The following BRSK2 variants were observed in gnomAD, a reference collection of about 807,000 sequenced individuals.
BRSK2 encodes the protein BR serine/threonine kinase 2.
BRSK2 carries 19 observed loss-of-function variants against 83.3 expected under a neutral mutation model. That is an observed-to-expected ratio of 0.23 (90% CI 0.16 to 0.33). The LOEUF (loss-of-function observed/expected upper bound fraction) is 0.33. BRSK2 is among the 10% of genes least tolerant of loss of function. The pLI, the probability that BRSK2 is intolerant of heterozygous loss-of-function variation, is 1.00. For synonymous variants in BRSK2, 519 were observed against 435.4 expected (o/e 1.19, Z -2.39); for missense variants, 798 against 1,042.3 (o/e 0.77, Z 3.23).
chr11:1,447,730 C>T (rs1852344699), intron 12 of BRSK2: 1 of 1,483,580 alleles, frequency 6.7e-7, no homozygotes, highest in Non-Finnish European at 9.1e-7. Context: ...TGGCCCGGGC[C>T]CTGGGGGCCG....
intron 1 of BRSK2, chr11:1,411,235 T>A: frequency 7.9e-7 from 1 of 1,266,320 alleles, no homozygotes; most frequent in South Asian, 3.2e-5. Flanking sequence ...TGCTCTGAGC[T>A]TCCTTCCTCA....
At chr11:1,402,222 G>C (rs904183227) in intron 1 of BRSK2, among the ~76,000 whole-genome samples, 2 of 152,216 alleles carry the variant, frequency 1.3e-5, no homozygotes, top group African/African-American at 4.8e-5. Context: ...GGGGCTCCCC[G>C]GGGCGGGGCA....
At chr11:1,399,356 A>G (rs1427846407) in intron 1 of BRSK2, among the ~76,000 whole-genome samples, 1 of 152,140 alleles carries the variant, frequency 6.6e-6, no homozygotes, top group Non-Finnish European at 1.5e-5. Context: ...TGGCCCTGCC[A>G]CTGGGGCCAG....
At chr11:1,460,288 C>T (rs865821330) in intron 19 of BRSK2, among the ~76,000 whole-genome samples, 14 of 152,130 alleles carry the variant, frequency 9.2e-5, no homozygotes, top group African/African-American at 2.7e-4. Context: ...GGGCCCCTGC[C>T]GGCCGCCGCC....
chr11:1,394,156 C>T (rs1175660121), intron 1 of BRSK2, among the ~76,000 whole-genome samples: 3 of 75,304 alleles, frequency 4.0e-5, no homozygotes, highest in East Asian at 4.4e-4. Flanking sequence ...TGGAGATGGG[C>T]CATGGAGATG....
At chr11:1,424,838 G>C (rs545391835) in intron 1 of BRSK2, among the ~76,000 whole-genome samples, 1 of 152,204 alleles carries the variant, frequency 6.6e-6, no homozygotes, top group Non-Finnish European at 1.5e-5. Flanking sequence ...GGCAGGTTGC[G>C]GGGGTGGAGC....
At chr11:1,452,141 G>C (rs1845885357) in intron 15 of BRSK2, among the ~76,000 whole-genome samples, 1 of 152,178 alleles carries the variant, frequency 6.6e-6, no homozygotes, top group Admixed American at 6.5e-5. Context: ...GAGACCCCGG[G>C]AAATGAAGAT....
Position 1,461,421 on chromosome 11 carries a change from T to G in BRSK2, c.*698T>G. 1 of 242,244 alleles carries G rather than the reference T, an allele frequency of 4.1e-6. No individual in the cohort carries two copies. The highest frequency in any genetic ancestry group is 8.0e-6 in the Non-Finnish European group (1 of 125,082). 15.0% of individuals were successfully genotyped at this position (242,244 alleles called of 1,614,324 possible). ...TCCTCTCGTCTCACCCGCGCCTCCC[T>G]TGCCTCATCTGGGGCGGCTGTGGGC... On this transcript the variant is annotated 3_prime_UTR_variant, in exon 20 of 20. Coordinates refer to ENST00000528841, the MANE Select transcript of BRSK2 (RefSeq NM_001256627.2).
Position 1,444,953 on chromosome 11 carries a change from G to A in BRSK2, c.781-18G>A, listed in dbSNP as rs756080059. On this transcript the variant is annotated intron_variant, in intron 8 of 19. Transcript: ENST00000528841. ...CGTCCCTCGTCCGTACTAACTCCCT[G>A]TTTCTCTTTCCTTGTAGCTAGAGCA... The A allele has an allele frequency of 6.8e-6, 11 of 1,611,560 alleles. No homozygotes were observed. The South Asian group carries it at 9.9e-5, about 14-fold the overall frequency.
At chr11:1,452,701 G>A (rs11602013) in intron 15 of BRSK2, among the ~76,000 whole-genome samples, 64,004 of 150,354 alleles carry the variant, frequency 0.43, 14,826 homozygotes, top group Non-Finnish European at 0.53. Context: ...AGATGCCTGC[G>A]ACAGCCGTTC....
Position 1,417,469 on chromosome 11 carries a change from A to G in BRSK2, c.92-18571A>G, listed in dbSNP as rs188644596. Among the ~76,000 whole-genome samples the G allele has an allele frequency of 3.3e-5, 5 of 152,396 alleles. No homozygotes were observed. The East Asian group carries it at 9.6e-4, about 29-fold the overall frequency. ...CTTATCCTTTTCTGAAAATTCTAGC[A>G]TTTAGATCACCTGTGTCCTGCTTCT... On this transcript the variant is annotated intron_variant, in intron 1 of 19. Coordinates refer to ENST00000528841, the MANE Select transcript of BRSK2 (RefSeq NM_001256627.2).
At chr11:1,406,417 A>G (rs1846880951) in intron 1 of BRSK2, among the ~76,000 whole-genome samples, 2 of 152,340 alleles carry the variant, frequency 1.3e-5, no homozygotes, top group South Asian at 2.1e-4. Flanking sequence ...GCTTGCAGTG[A>G]GCTGAGATCA....
At chr11:1,407,455 C>T (rs1442724140) in intron 1 of BRSK2, among the ~76,000 whole-genome samples, 1 of 152,148 alleles carries the variant, frequency 6.6e-6, no homozygotes, top group Non-Finnish European at 1.5e-5. Flanking sequence ...GCACGGGCCT[C>T]CCCTCCGAGG....
rs769355521 is a variant in BRSK2, at chr11:1,450,590, A to G, written c.1291A>G (p.Thr431Ala). 6.4e-7 allele frequency: 1 copy of G among 1,556,416 alleles called. No individual in the cohort carries two copies. Among genetic ancestry groups the G allele is most frequent in the Admixed American group, 2.0e-5 (1 of 50,672 alleles). The change falls in exon 14 of 20, where the codon ACC (threonine) becomes GCC (alanine). Residue 431 changes from threonine (T) to alanine (A), a missense_variant. Thr to Ala is a moderately conservative substitution (Grantham distance 58). Coordinates refer to ENST00000528841, the MANE Select transcript of BRSK2 (RefSeq NM_001256627.2). ...CAAATCTGTCCCCACCATACAGGTGACCCCTCACCCCTCACCAAGGGGCAG... is the reference window on the plus strand; with the variant it reads ...CAAATCTGTCCCCACCATACAGGTGGCCCCTCACCCCTCACCAAGGGGCAG... ...STSPLSSPRV[T>A]PHPSPRGSPL...
rs183115088 is a variant in BRSK2, at chr11:1,440,282, C to G, written c.273-506C>G. ...GGCCAGGCCAACCTTTTCCTCACCC[C>G]CTTCCCCTGGCCCTCACACCTCCTG... On this transcript the variant is annotated intron_variant, in intron 3 of 19. Transcript: ENST00000528841. 4.5e-3 allele frequency among the ~76,000 whole-genome samples: 679 copies of G among 152,264 alleles called. 19 individuals carry two copies. Among genetic ancestry groups the G allele is most frequent in the Admixed American group, 0.041 (625 of 15,304 alleles).
At position 1,461,088 on chromosome 11, in the gene BRSK2, G is replaced by C. The variant is rs1012481341; in HGVS notation, c.*365G>C. 1.6e-5 allele frequency: 24 copies of C among 1,542,600 alleles called. No individual in the cohort carries two copies. In the African/African-American group the frequency reaches 2.6e-4, roughly 17 times the overall value. The stretch of plus-strand genomic sequence containing the variant: ...TGTTGCTGCCGGGCAGTGAGGCCCA[G>C]CCCAGCGCCCCGTCCACCCCGCGGC... On this transcript the variant is annotated 3_prime_UTR_variant, in exon 20 of 20. Coordinates refer to ENST00000528841, the MANE Select transcript of BRSK2 (RefSeq NM_001256627.2).
chr11:1,434,582 C>T (rs575342730), intron 1 of BRSK2, among the ~76,000 whole-genome samples: 64 of 142,292 alleles, frequency 4.5e-4, no homozygotes, highest in African/African-American at 1.7e-3. Context: ...TGTCTGGGGG[C>T]ACCCAGGAGT....
chr11:1,398,475 C>T (rs1022658303), intron 1 of BRSK2, among the ~76,000 whole-genome samples: 10 of 152,142 alleles, frequency 6.6e-5, no homozygotes, highest in Admixed American at 5.9e-4. Flanking sequence ...CTTGGCCCTG[C>T]CCCCTGGGGA....
chr11:1,399,658 C>T (rs1052440156), intron 1 of BRSK2, among the ~76,000 whole-genome samples: 2 of 152,198 alleles, frequency 1.3e-5, no homozygotes, highest in African/African-American at 4.8e-5. Context: ...CTGCCCGTCC[C>T]TCTGCTGCCA....
Sources: allele counts gnomAD v4.1 joint callset (sites outside exome capture counted in the v4.1 genomes callset), GRCh38; gene constraint gnomAD v4.1.1; transcripts MANE v1.5; gene names NCBI Gene and HGNC (gene_info 2026-07-23, HGNC 2026-07-21).